Variants in PTPRK observed in about 807,000 individuals in gnomAD.
PTPRK encodes protein tyrosine phosphatase receptor type K, also known as receptor-type tyrosine-protein phosphatase kappa.
PTPRK carries 75 observed loss-of-function variants against 178.0 expected under a neutral mutation model. That is an observed-to-expected ratio of 0.42 (90% CI 0.35 to 0.51). PTPRK has a LOEUF of 0.51. Ranked by LOEUF, PTPRK falls within the 20% of genes least tolerant of loss-of-function variation. PTPRK has a pLI of 0.02. For synonymous variants in PTPRK, 637 were observed against 620.6 expected, an observed-to-expected ratio of 1.03 and a Z score of -0.39; for missense variants, 1,441 against 1,797.8, an observed-to-expected ratio of 0.80 and a Z score of 3.59.
intron 2 of PTPRK, among the ~76,000 whole-genome samples, chr6:128,355,633 C>G (rs1833847450): frequency 6.6e-6 from 1 of 152,124 alleles, no homozygotes; most frequent in Admixed American, 6.5e-5. Context: ...TTTACACACA[C>G]CGGGGCCTGT....
At chr6:128,454,696 A>G (rs770627919) in intron 1 of PTPRK, among the ~76,000 whole-genome samples, 2 of 152,154 alleles carry the variant, frequency 1.3e-5, no homozygotes, top group Non-Finnish European at 2.9e-5. Flanking sequence ...TTACTAATAT[A>G]GGCATCTCAG....
At chr6:128,331,562 G>T (rs1267347100) in intron 2 of PTPRK, among the ~76,000 whole-genome samples, 1 of 151,758 alleles carries the variant, frequency 6.6e-6, no homozygotes, top group African/African-American at 2.4e-5. Context: ...CCATTAATTT[G>T]GTTAGACGGA....
At chr6:128,231,279 C>T (rs1379834526) in intron 5 of PTPRK, among the ~76,000 whole-genome samples, 1 of 152,146 alleles carries the variant, frequency 6.6e-6, no homozygotes, top group Non-Finnish European at 1.5e-5. Flanking sequence ...AGCAGGACTG[C>T]CGAGTGTTGG....
chr6:128,260,805 G>A (rs1304568349), intron 3 of PTPRK, among the ~76,000 whole-genome samples: 1 of 152,132 alleles, frequency 6.6e-6, no homozygotes, highest in Admixed American at 6.6e-5. Context: ...ATGTACATTA[G>A]AAGATGCTGC....
At chr6:128,315,876 C>A (rs1827929993) in intron 3 of PTPRK, among the ~76,000 whole-genome samples, 1 of 152,120 alleles carries the variant, frequency 6.6e-6, no homozygotes, top group Non-Finnish European at 1.5e-5. Flanking sequence ...ATATTATATA[C>A]ACACTGAAGT....
chr6:128,264,917 C>T (rs1818724376), intron 3 of PTPRK, among the ~76,000 whole-genome samples: 1 of 152,134 alleles, frequency 6.6e-6, no homozygotes, highest in African/African-American at 2.4e-5. Flanking sequence ...TCTCTCTTTG[C>T]CTGCTGCCAT....
intron 15 of PTPRK, 65 bp from the exon 16 acceptor site, chr6:127,998,969 C>A: frequency 7.5e-7 from 1 of 1,335,810 alleles, no homozygotes; most frequent in Non-Finnish European, 1.0e-6. Flanking sequence ...ATATATGTAT[C>A]TATGCAATGA....
At chr6:128,500,608 T>G (rs1369829399) in intron 1 of PTPRK, 1 of 152,208 alleles carries the variant, frequency 6.6e-6, no homozygotes, top group Non-Finnish European at 1.5e-5. Flanking sequence ...AGAGTTTATA[T>G]GAACATATGT....
At chr6:128,069,919 C>T (rs1046496732) in intron 11 of PTPRK, among the ~76,000 whole-genome samples, 6 of 151,958 alleles carry the variant, frequency 3.9e-5, no homozygotes, top group African/African-American at 1.4e-4. Context: ...GGGAAAGAGC[C>T]TTAAGTATGG....
chr6:128,238,014 G>A (rs911918629), intron 5 of PTPRK: 1 of 449,156 alleles, frequency 2.2e-6, no homozygotes, highest in Non-Finnish European at 4.5e-6. Context: ...TCTTGTAGAT[G>A]GGGAAGACTG....
chr6:128,395,384 T>C (rs926091251), intron 2 of PTPRK, among the ~76,000 whole-genome samples: 3 of 152,192 alleles, frequency 2.0e-5, no homozygotes, highest in African/African-American at 7.2e-5. Context: ...GTGCATATCA[T>C]CCTGTACTGT....
In PTPRK at chr6:128,082,567, A is replaced by G. The variant is rs952805501; in HGVS notation, c.1647T>C (p.Asn549=). ...AGACATGGTGTGTACTGTTCCATAA[A>G]TTTGATACAGTCTGGGGAGGTCCAG... ...PVAGPPQTVS[N]LWNSTHHVFM... is the part of the protein sequence containing the mutation. Residue 549 remains asparagine (N), a synonymous_variant, in exon 10 of 30, where the codon AAT becomes AAC. Coordinates refer to ENST00000368226, the MANE Select transcript of PTPRK (RefSeq NM_002844.4). 9 of 1,612,458 alleles carry G rather than the reference A, an allele frequency of 5.6e-6. No homozygotes were observed. The highest frequency in any genetic ancestry group is 7.6e-6 in the Non-Finnish European group (9 of 1,178,808).
chr6:128,398,961 T>C (rs1280036019), intron 1 of PTPRK, among the ~76,000 whole-genome samples: 1 of 152,302 alleles, frequency 6.6e-6, no homozygotes, highest in African/African-American at 2.4e-5. Flanking sequence ...ACATATTTAG[T>C]TTATTCAAAT....
rs534820034 is a variant in PTPRK, at chr6:128,200,701, C to A, written c.869-15976G>T. 4.9e-4 allele frequency among the ~76,000 whole-genome samples: 74 copies of A among 150,668 alleles called. 2 individuals are homozygous for A. In the South Asian group the frequency reaches 0.014, roughly 29 times the overall value. ...AACCAGTCTAGGTGACAGAGAGAGA[C>A]CCTGTCAAAAGTAAAATAAATAAAT... On this transcript the variant is annotated intron_variant, in intron 6 of 29. Coordinates refer to ENST00000368226, the MANE Select transcript of PTPRK (RefSeq NM_002844.4).
At chr6:128,034,222 TA>T (rs1254224727) in intron 13 of PTPRK, among the ~76,000 whole-genome samples, 1 of 152,226 alleles carries the variant, frequency 6.6e-6, no homozygotes, top group African/African-American at 2.4e-5. Context: ...GATTAAAGTC[TA>T]AACACCTGTC....
At chr6:128,283,058 TA>T (rs1821927340) in intron 3 of PTPRK, among the ~76,000 whole-genome samples, 1 of 152,172 alleles carries the variant, frequency 6.6e-6, no homozygotes, top group Non-Finnish European at 1.5e-5. Context: ...CACAAAGGGT[TA>T]AAACAGGTCA....
At chr6:128,358,517 GA>G (rs1240515160) in intron 2 of PTPRK, among the ~76,000 whole-genome samples, 1 of 152,168 alleles carries the variant, frequency 6.6e-6, no homozygotes, top group Non-Finnish European at 1.5e-5. Flanking sequence ...GGTACAATAA[GA>G]AGAAAAACGT....
At chr6:128,057,258 G>A (rs1342169038) in intron 13 of PTPRK, among the ~76,000 whole-genome samples, 2 of 152,128 alleles carry the variant, frequency 1.3e-5, no homozygotes, top group Non-Finnish European at 2.9e-5. Flanking sequence ...ACTTGATATA[G>A]ATATTGTACA....
At chr6:128,274,494 C>T (rs1416053915) in intron 3 of PTPRK, among the ~76,000 whole-genome samples, 1 of 151,958 alleles carries the variant, frequency 6.6e-6, no homozygotes, top group Admixed American at 6.6e-5. Flanking sequence ...TACTATGCGT[C>T]TCATAATAAA....
Sources: gnomAD v4.1 joint callset for allele counts (sites outside exome capture counted in the v4.1 genomes callset) on GRCh38, gnomAD v4.1.1 for gene constraint, MANE v1.5 for transcripts, NCBI Gene and HGNC (gene_info 2026-07-23, HGNC 2026-07-21) for gene names.